Variants in OPCML observed in about 807,000 individuals in gnomAD.
OPCML encodes the protein opioid-binding protein/cell adhesion molecule.
A neutral mutation model predicts 37.8 loss-of-function variants in OPCML; 13 were observed. That is an observed-to-expected ratio of 0.34 (90% CI 0.22 to 0.55). The LOEUF is 0.55. Ranked by LOEUF, OPCML falls within the 20% of genes least tolerant of loss-of-function variation. The pLI is 0.91. For missense variants in OPCML, 341 were observed against 435.6 expected (o/e 0.78, Z 1.93); for synonymous variants, 176 against 168.8 (o/e 1.04, Z -0.33).
chr11:133,465,969 G>C (rs75704304), intron 1 of OPCML, among the ~76,000 whole-genome samples: 3 of 152,114 alleles, frequency 2.0e-5, no homozygotes, highest in African/African-American at 7.2e-5. Flanking sequence ...TTATGCATTT[G>C]TTTAGCTACA....
At chr11:133,456,695 A>C (rs1297343435) in intron 1 of OPCML, among the ~76,000 whole-genome samples, 3 of 152,048 alleles carry the variant, frequency 2.0e-5, no homozygotes, top group Non-Finnish European at 2.9e-5. Flanking sequence ...ATATATGAAC[A>C]AAATAATAAT....
At chr11:132,530,414 G>C (rs751814071) in intron 3 of OPCML, among the ~76,000 whole-genome samples, 30 of 151,692 alleles carry the variant, frequency 2.0e-4, no homozygotes, top group Non-Finnish European at 3.7e-4. Context: ...AATTGCAATA[G>C]CCTCCCACCG....
At chr11:132,755,935 G>A (rs1392589583) in intron 2 of OPCML, among the ~76,000 whole-genome samples, 1 of 152,160 alleles carries the variant, frequency 6.6e-6, no homozygotes, top group Non-Finnish European at 1.5e-5. Context: ...GTGGCTGACA[G>A]CTTATCTTGC....
At chr11:133,467,191 T>A (rs187681266) in intron 1 of OPCML, among the ~76,000 whole-genome samples, 131 of 152,266 alleles carry the variant, frequency 8.6e-4, no homozygotes, top group Non-Finnish European at 1.6e-3. Flanking sequence ...CCAGGCCCAA[T>A]GCTGGGCAAA....
chr11:133,162,695 G>T (rs568114782), intron 1 of OPCML, among the ~76,000 whole-genome samples: 3 of 152,038 alleles, frequency 2.0e-5, no homozygotes, highest in Non-Finnish European at 2.9e-5. Flanking sequence ...GAAAGGAAAA[G>T]GGTCCCTGTT....
intron 1 of OPCML, among the ~76,000 whole-genome samples, chr11:133,219,272 T>C (rs1939711931): frequency 6.6e-6 from 1 of 152,186 alleles, no homozygotes; most frequent in Non-Finnish European, 1.5e-5. Flanking sequence ...GTTCTTGAAG[T>C]CGTCCACATT....
intron 2 of OPCML, among the ~76,000 whole-genome samples, chr11:132,910,052 T>C (rs1944371560): frequency 6.6e-6 from 1 of 152,184 alleles, no homozygotes; most frequent in Non-Finnish European, 1.5e-5. Flanking sequence ...GAGAAAGAGA[T>C]TTCCATCGAG....
chr11:132,796,983 G>T (rs985842797), intron 2 of OPCML, among the ~76,000 whole-genome samples: 4 of 151,998 alleles, frequency 2.6e-5, no homozygotes, highest in Non-Finnish European at 5.9e-5. Context: ...TGAGATTCAA[G>T]GATTATTTAT....
chr11:132,523,149 C>T (rs2096298460), intron 4 of OPCML, among the ~76,000 whole-genome samples: 1 of 152,152 alleles, frequency 6.6e-6, no homozygotes, highest in African/African-American at 2.4e-5. Flanking sequence ...TCAGGTGATC[C>T]GCCCATCTCA....
At chr11:132,487,210 A>G (rs2096202680) in intron 4 of OPCML, among the ~76,000 whole-genome samples, 1 of 152,182 alleles carries the variant, frequency 6.6e-6, no homozygotes, top group African/African-American at 2.4e-5. Context: ...AGAGACGGTT[A>G]CTCAGCCCAT....
At chr11:132,479,938 T>C (rs945264654) in intron 4 of OPCML, among the ~76,000 whole-genome samples, 1 of 151,974 alleles carries the variant, frequency 6.6e-6, no homozygotes, top group Non-Finnish European at 1.5e-5. Flanking sequence ...GCGGAAAAAC[T>C]GGAAACTCTA....
At chr11:132,664,640 C>A (rs961539228) in intron 2 of OPCML, among the ~76,000 whole-genome samples, 2 of 152,088 alleles carry the variant, frequency 1.3e-5, no homozygotes, top group African/African-American at 4.8e-5. Flanking sequence ...ACAGGCAAGC[C>A]AAAATGAAAT....
intron 2 of OPCML, among the ~76,000 whole-genome samples, chr11:132,882,639 G>C (rs1473835007): frequency 6.6e-6 from 1 of 152,096 alleles, no homozygotes; most frequent in East Asian, 1.9e-4. Context: ...GTATCAAGAT[G>C]AACAAGAACT....
At position 133,208,225 on chromosome 11, in the gene OPCML, C is replaced by T. The variant is rs1238558034; in HGVS notation, c.62-265215G>A. ...TTTATCTCAAGCATTTAGCTTATTG[C>T]TTAGCACATTGTATTACATTGCATT... On this transcript the variant is annotated intron_variant, in intron 1 of 7. Coordinates refer to ENST00000524381, the MANE Select transcript of OPCML (RefSeq NM_001012393.5). This position sits in a 1 kb window ranked among gnomAD's most constrained non-coding sequence, Gnocchi z 8.9. Among the ~76,000 whole-genome samples the T allele has an allele frequency of 1.3e-5, 2 of 152,288 alleles. No homozygotes were observed. The highest frequency in any genetic ancestry group is 2.4e-5 in the African/African-American group (1 of 41,568).
chr11:133,468,739 TCA>T (rs901259027), intron 1 of OPCML, among the ~76,000 whole-genome samples: 13 of 152,304 alleles, frequency 8.5e-5, no homozygotes, highest in African/African-American at 3.1e-4. Flanking sequence ...AGAGCTCACT[TCA>T]CAAACACTCT....
chr11:132,536,963 G>C (rs2096342430), intron 3 of OPCML, among the ~76,000 whole-genome samples: 1 of 152,120 alleles, frequency 6.6e-6, no homozygotes, highest in Non-Finnish European at 1.5e-5. Flanking sequence ...TTGTTAATTT[G>C]TTTTGGTTAA....
intron 2 of OPCML, among the ~76,000 whole-genome samples, chr11:132,779,088 CTCCTGAGT>C: frequency 6.6e-6 from 1 of 151,420 alleles, no homozygotes; most frequent in African/African-American, 2.4e-5. Flanking sequence ...GTGCCTCAGC[CTCCTGAGT>C]AGCTGGGATT....
intron 2 of OPCML, among the ~76,000 whole-genome samples, chr11:132,880,670 G>C (rs1352336258): frequency 2.6e-5 from 4 of 152,170 alleles, no homozygotes; most frequent in Admixed American, 2.6e-4. Context: ...AAAGTGATTT[G>C]GAAAATGAAC....
Position 133,307,281 on chromosome 11 carries a change from T to A in OPCML, c.61+224983A>T, listed in dbSNP as rs114556988. Among the ~76,000 whole-genome samples the A allele has an allele frequency of 4.0e-3, 613 of 152,182 alleles. 5 individuals carry two copies. The highest frequency in any genetic ancestry group is 0.014 in the African/African-American group (572 of 41,526). On this transcript the variant is annotated intron_variant, in intron 1 of 7. Transcript: ENST00000524381. The stretch of plus-strand genomic sequence containing the variant: ...AGATGAAATTCAATTCCCTAGTTTT[T>A]AGACAGGAAGAATCTATGTCTCAAG...
Sources: gnomAD v4.1 joint callset for allele counts (sites outside exome capture counted in the v4.1 genomes callset) on GRCh38, gnomAD v4.1.1 for gene constraint, Gnocchi (gnomAD v3.1) non-coding constraint, MANE v1.5 for transcripts, NCBI Gene and HGNC (gene_info 2026-07-23, HGNC 2026-07-21) for gene names.